Variants in CFAP61 observed in about 807,000 individuals in gnomAD.
CFAP61 encodes cilia and flagella associated protein 61, also known as cilia- and flagella-associated protein 61.
CFAP61 carries 107 observed loss-of-function variants against 135.6 expected under a neutral mutation model. The ratio of observed to expected loss-of-function variants is 0.79; its 90% CI spans 0.67 to 0.93. The LOEUF (loss-of-function observed/expected upper bound fraction) is 0.93. CFAP61 is among the 40% of genes least tolerant of loss of function. The pLI, the probability that CFAP61 is intolerant of heterozygous loss-of-function variation, is 0.00. For missense variants in CFAP61, 1,507 were observed against 1,556.2 expected, an observed-to-expected ratio of 0.97 and a Z score of 0.53; for synonymous variants, 575 against 578.5, an observed-to-expected ratio of 0.99 and a Z score of 0.09.
chr20:20,067,688 A>T (rs922151546), intron 2 of CFAP61, among the ~76,000 whole-genome samples: 1 of 143,266 alleles, frequency 7.0e-6, no homozygotes, highest in East Asian at 2.0e-4. Context: ...ATTATATATA[A>T]TTTTTTTATA....
chr20:20,321,282 A>C (rs1430958824), intron 25 of CFAP61, among the ~76,000 whole-genome samples: 3 of 152,174 alleles, frequency 2.0e-5, no homozygotes, highest in African/African-American at 7.2e-5. Flanking sequence ...TCTTCAAAAT[A>C]ACCTAGGAGG....
chr20:20,188,594 G>A (rs1207446338), intron 14 of CFAP61, among the ~76,000 whole-genome samples: 8 of 152,288 alleles, frequency 5.3e-5, no homozygotes, highest in Non-Finnish European at 1.0e-4. Flanking sequence ...GTGTAGTAAT[G>A]CATGTATGTG....
chr20:20,239,458 G>C (rs181562065), intron 18 of CFAP61, among the ~76,000 whole-genome samples: 20 of 152,298 alleles, frequency 1.3e-4, no homozygotes, highest in African/African-American at 4.8e-4. Context: ...CCAGCCAGAA[G>C]GACCTTTATG....
intron 25 of CFAP61, among the ~76,000 whole-genome samples, chr20:20,300,766 C>G (rs1242202479): frequency 6.6e-6 from 1 of 151,848 alleles, no homozygotes; most frequent in Non-Finnish European, 1.5e-5. Context: ...CTACCACACC[C>G]AGCTTATTTT....
intron 13 of CFAP61, among the ~76,000 whole-genome samples, chr20:20,187,243 A>T (rs932725304): frequency 5.3e-5 from 8 of 152,144 alleles, no homozygotes; most frequent in African/African-American, 1.9e-4. Context: ...GCTTCCCCCA[A>T]CCAAAGCAAC....
At chr20:20,181,692 G>A (rs908780033) in intron 13 of CFAP61, among the ~76,000 whole-genome samples, 1 of 152,176 alleles carries the variant, frequency 6.6e-6, no homozygotes, top group African/African-American at 2.4e-5. Context: ...TCTGTGGATG[G>A]AAGAAGCCAT....
At chr20:20,101,317 T>G (rs1007088904) in intron 8 of CFAP61, among the ~76,000 whole-genome samples, 3 of 152,236 alleles carry the variant, frequency 2.0e-5, no homozygotes, top group African/African-American at 4.8e-5. Context: ...TGTATTTTGT[T>G]TAGTGCTTTT....
chr20:20,354,549 A>G (rs180674650), intron 26 of CFAP61, among the ~76,000 whole-genome samples: 2 of 151,742 alleles, frequency 1.3e-5, no homozygotes, highest in Admixed American at 1.3e-4. Flanking sequence ...ATACTGCACG[A>G]TCTCACTTAC....
At chr20:20,121,103 C>CTTTTTTTTTTTTT (rs869290856) in intron 8 of CFAP61, among the ~76,000 whole-genome samples, 4 of 113,568 alleles carry the variant, frequency 3.5e-5, no homozygotes, top group Non-Finnish European at 5.3e-5. Flanking sequence ...TTTATTTTTA[C>CTTTTTTTTTTTTT]TTTTTTTTTT....
chr20:20,211,297 T>G (rs1478569218), intron 17 of CFAP61, among the ~76,000 whole-genome samples: 2 of 152,228 alleles, frequency 1.3e-5, no homozygotes, highest in African/African-American at 4.8e-5. Flanking sequence ...GCCTTTCACC[T>G]CTGTGTTCCA....
Position 20,205,368 on chromosome 20 carries a change from C to T in CFAP61, c.1932+5466C>T, listed in dbSNP as rs13339899. ...CCAGGAGAGCAGGTAAATAACTTGTCCAAAGGCAAATTAATTGACAGAGTT... is the reference window on the plus strand; with the variant it reads ...CCAGGAGAGCAGGTAAATAACTTGTTCAAAGGCAAATTAATTGACAGAGTT... On this transcript the variant is annotated intron_variant, in intron 17 of 26. Coordinates refer to ENST00000245957, the MANE Select transcript of CFAP61 (RefSeq NM_015585.4). Among the ~76,000 whole-genome samples, 1,321 of 152,250 alleles carry T rather than the reference C, an allele frequency of 8.7e-3. 21 individuals carry two copies. The highest frequency in any genetic ancestry group is 0.03 in the African/African-American group (1,266 of 41,534).
chr20:20,094,733 G>A (rs1284963965), intron 7 of CFAP61: 2 of 152,250 alleles, frequency 1.3e-5, no homozygotes, highest in Non-Finnish European at 2.9e-5. Context: ...GAGGCTTTGT[G>A]TTCTGTGGAG....
intron 26 of CFAP61, among the ~76,000 whole-genome samples, chr20:20,353,968 T>G (rs2058947853): frequency 6.6e-6 from 1 of 152,348 alleles, no homozygotes; most frequent in Middle Eastern, 3.4e-3. Context: ...ATCTCACTTT[T>G]GGGTATGTAT....
At chr20:20,082,173 A>G (rs942497082) in intron 6 of CFAP61, among the ~76,000 whole-genome samples, 1 of 152,162 alleles carries the variant, frequency 6.6e-6, no homozygotes, top group South Asian at 2.1e-4. Context: ...TTTCCCTCAC[A>G]TGTATTTTTT....
At chr20:20,179,164 A>C (rs534694624) in intron 13 of CFAP61, among the ~76,000 whole-genome samples, 10 of 152,324 alleles carry the variant, frequency 6.6e-5, no homozygotes, top group African/African-American at 2.4e-4. Flanking sequence ...TAAGCTGAGA[A>C]ACAACTTCAG....
intron 13 of CFAP61, among the ~76,000 whole-genome samples, chr20:20,179,675 A>G (rs895727909): frequency 6.6e-6 from 1 of 152,242 alleles, no homozygotes; most frequent in Non-Finnish European, 1.5e-5. Flanking sequence ...TACTGGTACA[A>G]AAACAGACAC....
intron 3 of CFAP61, among the ~76,000 whole-genome samples, chr20:20,072,308 G>A (rs1196142010): frequency 6.6e-6 from 1 of 151,348 alleles, no homozygotes. Flanking sequence ...GTAGAGACAG[G>A]GTTTCACTAT....
At chr20:20,123,089 G>T (rs1052714966) in intron 8 of CFAP61, among the ~76,000 whole-genome samples, 2 of 151,572 alleles carry the variant, frequency 1.3e-5, no homozygotes, top group Admixed American at 6.6e-5. Flanking sequence ...ATCTATTCAT[G>T]TCCTTAGCTC....
chr20:20,083,543 G>C (rs1176178850), intron 6 of CFAP61, among the ~76,000 whole-genome samples: 1 of 152,050 alleles, frequency 6.6e-6, no homozygotes, highest in Non-Finnish European at 1.5e-5. Context: ...ATTTAAGATG[G>C]GTGGTTTGTA....
Sources: allele counts gnomAD v4.1 joint callset (sites outside exome capture counted in the v4.1 genomes callset), GRCh38; gene constraint gnomAD v4.1.1; transcripts MANE v1.5; gene names NCBI Gene and HGNC (gene_info 2026-07-23, HGNC 2026-07-21).